Variants in SLC24A2 observed in about 807,000 individuals in gnomAD.
SLC24A2 encodes the protein solute carrier family 24 member 2.
A neutral mutation model predicts 62.0 loss-of-function variants in SLC24A2; 36 were observed. The ratio of observed to expected loss-of-function variants is 0.58; its 90% CI spans 0.44 to 0.77. The LOEUF (loss-of-function observed/expected upper bound fraction) is 0.77, where lower values mean the gene tolerates loss of function less well. Among genes scored for constraint, SLC24A2 ranks in the 30% least tolerant of loss-of-function variants. SLC24A2 has a pLI of 0.00. For missense variants in SLC24A2, 846 were observed against 817.9 expected, an observed-to-expected ratio of 1.03 and a Z score of -0.42; for synonymous variants, 358 against 294.0, an observed-to-expected ratio of 1.22 and a Z score of -2.23.
At chr9:19,904,347 C>A in the SLC24A2 span, among the ~76,000 whole-genome samples, 1 of 152,170 alleles carries the variant, frequency 6.6e-6, no homozygotes, top group East Asian at 1.9e-4. Flanking sequence ...CCAAAATCAC[C>A]CTCTGTAGCC....
At chr9:19,936,383 C>T in the SLC24A2 span, among the ~76,000 whole-genome samples, 2 of 152,310 alleles carry the variant, frequency 1.3e-5, no homozygotes, top group South Asian at 4.1e-4. Context: ...AAGCCATCCT[C>T]CTTCTTCAGC....
intron 2 of SLC24A2, among the ~76,000 whole-genome samples, chr9:19,700,893 G>T (rs1820336783): frequency 6.6e-6 from 1 of 152,096 alleles, no homozygotes; most frequent in Non-Finnish European, 1.5e-5. Flanking sequence ...TCTAAGAAAT[G>T]CAGACCTAAC....
chr9:19,703,281 T>G (rs1820411018), intron 2 of SLC24A2, among the ~76,000 whole-genome samples: 1 of 152,220 alleles, frequency 6.6e-6, no homozygotes, highest in Admixed American at 6.5e-5. Flanking sequence ...AGAGATTACA[T>G]GACTTATTTC....
chr9:20,274,963 T>A, the SLC24A2 span, among the ~76,000 whole-genome samples: 2 of 151,992 alleles, frequency 1.3e-5, no homozygotes, highest in African/African-American at 4.8e-5. Flanking sequence ...CATGACTTTC[T>A]CCCTCAATCC....
the SLC24A2 span, among the ~76,000 whole-genome samples, chr9:20,067,235 T>C: frequency 6.6e-6 from 1 of 152,224 alleles, no homozygotes; most frequent in African/African-American, 2.4e-5. Flanking sequence ...TTCAGAGAAC[T>C]ATTACATGAT....
chr9:19,558,135 C>T (rs1357884094), intron 7 of SLC24A2, among the ~76,000 whole-genome samples: 3 of 152,152 alleles, frequency 2.0e-5, no homozygotes, highest in African/African-American at 7.2e-5. Flanking sequence ...TAAGAAACAT[C>T]TGAATGTTGT....
At chr9:20,137,827 C>T in the SLC24A2 span, among the ~76,000 whole-genome samples, 12 of 152,120 alleles carry the variant, frequency 7.9e-5, no homozygotes, top group African/African-American at 7.2e-5. Context: ...ATAATGTTTG[C>T]AATAAATTGA....
chr9:20,183,956 C>T, the SLC24A2 span, among the ~76,000 whole-genome samples: 1 of 152,150 alleles, frequency 6.6e-6, no homozygotes, highest in Admixed American at 6.5e-5. Context: ...AGAAAACAAT[C>T]AACAGAGTGA....
chr9:19,938,460 AAG>A, the SLC24A2 span, among the ~76,000 whole-genome samples: 1 of 152,180 alleles, frequency 6.6e-6, no homozygotes, highest in South Asian at 2.1e-4. Context: ...TTCAGTTTGA[AAG>A]AGAAATTTCA....
chr9:20,208,329 G>A, the SLC24A2 span, among the ~76,000 whole-genome samples: 1 of 152,190 alleles, frequency 6.6e-6, no homozygotes, highest in African/African-American at 2.4e-5. Context: ...TAGAGGAATG[G>A]GAGAGGGGCT....
chr9:19,533,068 T>C (rs968531776), intron 8 of SLC24A2, among the ~76,000 whole-genome samples: 28 of 152,198 alleles, frequency 1.8e-4, no homozygotes, highest in African/African-American at 6.8e-4. Context: ...GCTGAAATTA[T>C]GCATGGTTCA....
chr9:20,027,981 T>A, the SLC24A2 span, among the ~76,000 whole-genome samples: 1 of 152,136 alleles, frequency 6.6e-6, no homozygotes, highest in Non-Finnish European at 1.5e-5. Context: ...TTGGTTGTCG[T>A]TAAATAAGAG....
chr9:19,851,010 T>C, the SLC24A2 span, among the ~76,000 whole-genome samples: 2 of 70,598 alleles, frequency 2.8e-5, no homozygotes, highest in African/African-American at 1.2e-4. Context: ...TACACATACA[T>C]ATATATATAT....
chr9:20,223,799 T>C, the SLC24A2 span, among the ~76,000 whole-genome samples: 3 of 152,142 alleles, frequency 2.0e-5, no homozygotes, highest in Non-Finnish European at 4.4e-5. Context: ...AACAAAATTA[T>C]GTACCTGTAT....
At chr9:20,079,803 T>A in the SLC24A2 span, among the ~76,000 whole-genome samples, 1 of 152,166 alleles carries the variant, frequency 6.6e-6, no homozygotes, top group Non-Finnish European at 1.5e-5. Flanking sequence ...TTGGCTGAAG[T>A]TGCCTATCAG....
At chr9:19,846,486 AC>A in the SLC24A2 span, among the ~76,000 whole-genome samples, 1 of 152,124 alleles carries the variant, frequency 6.6e-6, no homozygotes, top group Non-Finnish European at 1.5e-5. Context: ...GGGTGTAATT[AC>A]TTGTGAGGTG....
the SLC24A2 span, among the ~76,000 whole-genome samples, chr9:20,065,552 G>A: frequency 6.6e-6 from 1 of 152,178 alleles, no homozygotes; most frequent in African/African-American, 2.4e-5. Context: ...AATACTTCCA[G>A]CAACACTGTG....
chr9:19,616,511 CAT>C (rs1817771661), intron 4 of SLC24A2, among the ~76,000 whole-genome samples: 1 of 152,196 alleles, frequency 6.6e-6, no homozygotes, highest in South Asian at 2.1e-4. Flanking sequence ...CCAAAATAAA[CAT>C]ACTCAGGCCC....
chr9:19,605,019 G>C (rs1836944860), intron 4 of SLC24A2, among the ~76,000 whole-genome samples: 2 of 152,174 alleles, frequency 1.3e-5, no homozygotes, highest in Admixed American at 6.5e-5. Context: ...CTGTATAAGT[G>C]GGATTACATA....
Sources: gnomAD v4.1 joint callset for allele counts (sites outside exome capture counted in the v4.1 genomes callset) on GRCh38, gnomAD v4.1.1 for gene constraint, MANE v1.5 for transcripts, NCBI Gene and HGNC (gene_info 2026-07-23, HGNC 2026-07-21) for gene names.